The following EPHB2 variants were observed in gnomAD, a reference collection of about 807,000 sequenced individuals.
The protein encoded by EPHB2 is EPH receptor B2, also known as ephrin type-B receptor 2.
Under a neutral mutation model 96.4 loss-of-function variants are expected in EPHB2, and 18 were observed. The observed-to-expected ratio is 0.19, with a 90% CI of 0.13 to 0.28. The LOEUF (loss-of-function observed/expected upper bound fraction) is 0.28. EPHB2 is among the 10% of genes least tolerant of loss of function. The probability of loss-of-function intolerance (pLI) is 1.00; values close to 1 mark genes in which losing one functional copy is unlikely to be tolerated. For missense variants in EPHB2, 989 were observed against 1,355.4 expected, an observed-to-expected ratio of 0.73 and a Z score of 4.25; for synonymous variants, 506 against 534.1, an observed-to-expected ratio of 0.95 and a Z score of 0.72.
At chr1:22,835,895 G>A (rs905317102) in intron 3 of EPHB2, 8 of 138,848 alleles carry the variant, frequency 5.8e-5, no homozygotes, top group African/African-American at 1.7e-4. Context: ...GGCAAATGAG[G>A]AGAAAAGGCG....
Position 22,907,975 on chromosome 1 carries a change from T to C in EPHB2, c.2159T>C (p.Val720Ala). The change falls in exon 12 of 16, where the codon GTC becomes GCC. Residue 720 changes from valine to alanine, a missense_variant. Physicochemically the swap from Val to Ala is moderately conservative, Grantham distance 64. Transcript: ENST00000374630. ...AAGCAAAACGATGGGCAGTTCACAG[T>C]CATCCAGCTGGTGGGCATGCTTCGG... ...FLRQNDGQFTVIQLVGMLRGI... is the reference protein window; with the variant it reads ...FLRQNDGQFTAIQLVGMLRGI... 17 of 1,614,228 alleles carry C rather than the reference T, an allele frequency of 1.1e-5. No homozygotes were observed. Among genetic ancestry groups the C allele is most frequent in the Non-Finnish European group, 1.4e-5 (16 of 1,180,034 alleles).
At chr1:22,824,960 C>T (rs12401695) in intron 3 of EPHB2, among the ~76,000 whole-genome samples, 2 of 151,980 alleles carry the variant, frequency 1.3e-5, no homozygotes, top group Admixed American at 6.6e-5. Flanking sequence ...TGCAGCCCTG[C>T]GGGAAGGGGA....
intron 3 of EPHB2, among the ~76,000 whole-genome samples, chr1:22,792,178 G>A (rs1246494754): frequency 6.6e-6 from 1 of 151,694 alleles, no homozygotes; most frequent in Non-Finnish European, 1.5e-5. Context: ...TGGCCCAGAA[G>A]TGTCTGGGGG....
intron 1 of EPHB2, among the ~76,000 whole-genome samples, chr1:22,777,289 G>C (rs991311576): frequency 6.6e-6 from 1 of 152,130 alleles, no homozygotes; most frequent in African/African-American, 2.4e-5. Flanking sequence ...TGTGATCTTG[G>C]GCAAGTTCCT....
At position 22,769,060 on chromosome 1, in the gene EPHB2, G is replaced by A. The variant is rs531995188; in HGVS notation, c.62-12361G>A. Among the ~76,000 whole-genome samples, 7 of 152,328 alleles carry A rather than the reference G, an allele frequency of 4.6e-5. No homozygotes were observed. The South Asian group carries it at 1.2e-3, about 27-fold the overall frequency. On this transcript the variant is annotated intron_variant, in intron 1 of 15. Transcript: ENST00000374630. ...TGTAGGACAGGGGACCGTGGTAGGGGTGAGGCTGAACCTGGTTTAAGTTAC... is the reference window on the plus strand; with the variant it reads ...TGTAGGACAGGGGACCGTGGTAGGGATGAGGCTGAACCTGGTTTAAGTTAC...
intron 3 of EPHB2, among the ~76,000 whole-genome samples, chr1:22,844,738 G>A (rs907435139): frequency 5.9e-5 from 9 of 152,152 alleles, no homozygotes; most frequent in Non-Finnish European, 8.8e-5. Flanking sequence ...GCCAGGCACC[G>A]GATCCCCCAG....
intron 3 of EPHB2, among the ~76,000 whole-genome samples, chr1:22,820,086 G>C (rs541861558): frequency 1.3e-5 from 2 of 151,994 alleles, no homozygotes; most frequent in East Asian, 3.9e-4. Context: ...CAACCCTGTT[G>C]AGATATATCT....
intron 9 of EPHB2, among the ~76,000 whole-genome samples, chr1:22,904,520 C>A (rs1042038548): frequency 5.1e-4 from 77 of 152,152 alleles, no homozygotes; most frequent in African/African-American, 1.9e-3. Context: ...AGCTCACAGA[C>A]CCAAATTAAG....
At chr1:22,754,610 G>T (rs1306689762) in intron 1 of EPHB2, among the ~76,000 whole-genome samples, 1 of 151,088 alleles carries the variant, frequency 6.6e-6, no homozygotes, top group Non-Finnish European at 1.5e-5. Context: ...GCTGGGGCTC[G>T]ATCCCCCAGG....
Position 22,914,538 on chromosome 1 carries a change from T to C in EPHB2, c.*968T>C, listed in dbSNP as rs1640215410. On this transcript the variant is annotated 3_prime_UTR_variant, in exon 16 of 16. Transcript: ENST00000374630. Reference sequence around the variant, plus strand: ...TAGGGGGTTTGTTTGTTGGGTTGTTTTTTGTTTTTTGGTTTTTTTTAATGA... The same window carrying C: ...TAGGGGGTTTGTTTGTTGGGTTGTTCTTTGTTTTTTGGTTTTTTTTAATGA... The C allele has an allele frequency of 6.6e-6, 1 of 152,512 alleles. No individual in the cohort carries two copies. The highest frequency in any genetic ancestry group is 6.5e-5 in the Admixed American group (1 of 15,268). The allele number at this position is 152,512 out of a possible 1,614,324, so 9.4% of individuals were successfully genotyped here. A position where few individuals can be genotyped will look rare whatever the true frequency, so the allele number is the denominator to read the frequency against.
intron 3 of EPHB2, among the ~76,000 whole-genome samples, chr1:22,855,220 T>C (rs6661718): frequency 0.46 from 69,432 of 152,080 alleles, 18,737 homozygotes; most frequent in Non-Finnish European, 0.61. Context: ...ACAGAGCAAA[T>C]GGCAGTGAAG....
chr1:22,718,288 G>A (rs1218277103), intron 1 of EPHB2, among the ~76,000 whole-genome samples: 1 of 151,708 alleles, frequency 6.6e-6, no homozygotes, highest in African/African-American at 2.4e-5. Flanking sequence ...TGGGAAAGGG[G>A]TAGACTCCTT....
At chr1:22,767,931 C>T (rs369276033) in intron 1 of EPHB2, among the ~76,000 whole-genome samples, 3 of 152,176 alleles carry the variant, frequency 2.0e-5, no homozygotes, top group Admixed American at 6.5e-5. Flanking sequence ...TGAGAAACAT[C>T]GACATGCGAG....
At chr1:22,730,549 G>A (rs1643685919) in intron 1 of EPHB2, among the ~76,000 whole-genome samples, 1 of 152,112 alleles carries the variant, frequency 6.6e-6, no homozygotes, top group Non-Finnish European at 1.5e-5. Context: ...GAGATGGGAG[G>A]GCCAGCGAGA....
intron 3 of EPHB2, among the ~76,000 whole-genome samples, chr1:22,819,411 C>G (rs1475302881): frequency 2.0e-5 from 3 of 152,102 alleles, no homozygotes; most frequent in Non-Finnish European, 4.4e-5. Flanking sequence ...GGATCCAGGT[C>G]GAAGGGCAGT....
Position 22,863,198 on chromosome 1 carries a change from T to C in EPHB2, c.967+6T>C. 1 of 1,614,096 alleles carries C rather than the reference T, an allele frequency of 6.2e-7. No homozygotes were observed. On this transcript the variant is annotated splice_donor_region_variant and intron_variant, in intron 4 of 15. Coordinates refer to ENST00000374630, the MANE Select transcript of EPHB2 (RefSeq NM_017449.5). The stretch of plus-strand genomic sequence containing the variant: ...CCTGGACATGCCCTGCACAAGTAAG[T>C]CCTAGGGCCCCTCAAGGGCGATGGC...
Position 22,912,535 on chromosome 1 carries a change from T to C in EPHB2, c.2788T>C (p.Tyr930His). 6.2e-7 allele frequency: 1 copy of C among 1,614,052 alleles called. No individual in the cohort carries two copies. Among genetic ancestry groups the C allele is most frequent in the Non-Finnish European group, 8.5e-7 (1 of 1,180,018 alleles). ...EWLEAIKMGQ[Y>H]KESFANAGFT... Reference sequence around the variant, plus strand: ...GCTGGAGGCCATCAAGATGGGGCAGTACAAGGAGAGCTTCGCCAATGCCGG... The same window carrying C: ...GCTGGAGGCCATCAAGATGGGGCAGCACAAGGAGAGCTTCGCCAATGCCGG... Residue 930 changes from tyrosine to histidine, a missense_variant, in exon 15 of 16, where the codon TAC becomes CAC. Transcript: ENST00000374630.
intron 3 of EPHB2, among the ~76,000 whole-genome samples, chr1:22,850,854 G>A (rs1487155639): frequency 1.3e-5 from 2 of 152,222 alleles, no homozygotes; most frequent in Non-Finnish European, 2.9e-5. Context: ...GAGGCTAGCA[G>A]AAGGCTGGTG....
intron 3 of EPHB2, among the ~76,000 whole-genome samples, chr1:22,834,732 C>G (rs1294911713): frequency 6.6e-6 from 1 of 151,900 alleles, no homozygotes; most frequent in African/African-American, 2.4e-5. Flanking sequence ...TGAGACCAGC[C>G]TGGCCAACAT....
Sources: gnomAD v4.1 joint callset for allele counts (sites outside exome capture counted in the v4.1 genomes callset) on GRCh38, gnomAD v4.1.1 for gene constraint, MANE v1.5 for transcripts, NCBI Gene and HGNC (gene_info 2026-07-23, HGNC 2026-07-21) for gene names.